The following ADAM22 variants were observed in gnomAD, a reference collection of about 807,000 sequenced individuals.
ADAM22 encodes ADAM metallopeptidase domain 22, also known as disintegrin and metalloproteinase domain-containing protein 22.
In ADAM22, 65 loss-of-function variants were observed where a neutral mutation model predicts 144.6. That is an observed-to-expected ratio of 0.45 (90% CI 0.37 to 0.55). ADAM22 has a LOEUF of 0.55. Ranked by LOEUF, ADAM22 falls within the 20% of genes least tolerant of loss-of-function variation. The pLI, the probability that ADAM22 is intolerant of heterozygous loss-of-function variation, is 0.00. For synonymous variants in ADAM22, 391 were observed against 412.6 expected (o/e 0.95, Z 0.63); for missense variants, 974 against 1,184.9 (o/e 0.82, Z 2.61).
At chr7:88,113,102 T>TC (rs934827478) in intron 5 of ADAM22, among the ~76,000 whole-genome samples, 59 of 138,534 alleles carry the variant, frequency 4.3e-4, no homozygotes, top group African/African-American at 1.4e-3. Context: ...TCTTTCTGCA[T>TC]CCCCCCTGCC....
chr7:88,107,516 T>G (rs1824763128), intron 4 of ADAM22, among the ~76,000 whole-genome samples: 2 of 152,146 alleles, frequency 1.3e-5, no homozygotes, highest in South Asian at 4.1e-4. Context: ...TTGAATTTCT[T>G]ATAACTAGGA....
At chr7:88,194,939 G>A (rs1050230783) in intron 31 of ADAM22, among the ~76,000 whole-genome samples, 2 of 152,152 alleles carry the variant, frequency 1.3e-5, no homozygotes, top group Non-Finnish European at 1.5e-5. Flanking sequence ...ATGACCTAAG[G>A]TAGATAGCAT....
chr7:88,098,132 A>G (rs1343358740), intron 4 of ADAM22, among the ~76,000 whole-genome samples: 2 of 152,322 alleles, frequency 1.3e-5, no homozygotes, highest in African/African-American at 2.4e-5. Context: ...TCTCTCGACT[A>G]TTCTGTTACA....
intron 4 of ADAM22, among the ~76,000 whole-genome samples, chr7:88,078,990 A>G (rs1815601822): frequency 6.6e-6 from 1 of 152,214 alleles, no homozygotes; most frequent in African/African-American, 2.4e-5. Flanking sequence ...CAGGAAATAC[A>G]GAGAATGCCA....
chr7:88,076,000 A>AATTAT (rs1043082500), intron 4 of ADAM22, among the ~76,000 whole-genome samples: 1 of 152,080 alleles, frequency 6.6e-6, no homozygotes, highest in African/African-American at 2.4e-5. Context: ...CAAAAACCCC[A>AATTAT]ATTATTTTAT....
In ADAM22 at chr7:88,114,575, C is replaced by T. The variant is rs146241988; in HGVS notation, c.474-9C>T. On this transcript the variant is annotated splice_polypyrimidine_tract_variant and intron_variant, in intron 5 of 31. Coordinates refer to ENST00000413139, the MANE Select transcript of ADAM22 (RefSeq NM_001324418.2). ...TGGCCATGCCTAATTATTTTTTTGTCGTTGGCAGTGGGATGTTCTATGACG... is the reference window on the plus strand; with the variant it reads ...TGGCCATGCCTAATTATTTTTTTGTTGTTGGCAGTGGGATGTTCTATGACG... The T allele has an allele frequency of 2.8e-3, 4,482 of 1,612,932 alleles. 14 individuals are homozygous for T. The highest frequency in any genetic ancestry group is 5.9e-3 in the Middle Eastern group (36 of 6,054).
intron 8 of ADAM22, among the ~76,000 whole-genome samples, chr7:88,126,578 T>G (rs1331559800): frequency 2.0e-5 from 3 of 151,972 alleles, no homozygotes; most frequent in African/African-American, 2.4e-5. Flanking sequence ...TCAAAAACCT[T>G]AAGAGGAAGG....
intron 3 of ADAM22, among the ~76,000 whole-genome samples, chr7:88,030,774 T>A (rs1585123066): frequency 6.6e-6 from 1 of 152,096 alleles, no homozygotes; most frequent in Non-Finnish European, 1.5e-5. Flanking sequence ...TCCTCAGGCC[T>A]CCCCCGAAGC....
chr7:87,984,530 A>G (rs192741788), intron 3 of ADAM22, among the ~76,000 whole-genome samples: 2 of 152,342 alleles, frequency 1.3e-5, no homozygotes, highest in East Asian at 3.9e-4. Context: ...ATAGTTTTGC[A>G]AGGAATTGTC....
chr7:88,035,226 C>T (rs1324425435), intron 3 of ADAM22, among the ~76,000 whole-genome samples: 1 of 152,238 alleles, frequency 6.6e-6, no homozygotes, highest in Admixed American at 6.5e-5. Flanking sequence ...ACTTGTTATA[C>T]TCTAGGCAGC....
In ADAM22 at chr7:88,201,803, A is replaced by G. The variant is rs979572968; in HGVS notation, c.*5312A>G. On this transcript the variant is annotated 3_prime_UTR_variant, in exon 32 of 32. Coordinates refer to ENST00000413139, the MANE Select transcript of ADAM22 (RefSeq NM_001324418.2). ...GAGACGAATTCTTAAGATAATGCAC[A>G]TACAGAATCATCAATAAAGTTTCAA... The G allele has an allele frequency of 1.3e-5, 2 of 152,224 alleles. No homozygotes were observed. The highest frequency in any genetic ancestry group is 4.8e-5 in the African/African-American group (2 of 41,454). The allele number at this position is 152,224 out of a possible 1,614,324, so 9.4% of individuals were successfully genotyped here.
intron 3 of ADAM22, among the ~76,000 whole-genome samples, chr7:88,033,843 A>T (rs377432194): frequency 6.6e-6 from 1 of 151,672 alleles, no homozygotes; most frequent in African/African-American, 2.4e-5. Context: ...GCCCACGTGG[A>T]GTACTGCCAG....
intron 2 of ADAM22, among the ~76,000 whole-genome samples, chr7:87,949,802 A>C (rs1844601408): frequency 6.6e-6 from 1 of 150,448 alleles, no homozygotes; most frequent in Non-Finnish European, 1.5e-5. Flanking sequence ...TAAAATATTC[A>C]TATTATTTAA....
In ADAM22 at chr7:88,148,989, G is replaced by A; in HGVS notation, c.1498G>A (p.Gly500Ser). Residue 500 changes from glycine (G) to serine (S), a missense_variant, in exon 18 of 32, where the codon GGC (glycine) becomes AGC (serine). Gly to Ser is a moderately conservative substitution (Grantham distance 56, BLOSUM62 0). This residue lies in a region of ADAM22 where 734 missense variants were observed against 950.6 expected (regional missense o/e 0.77). Coordinates refer to ENST00000413139, the MANE Select transcript of ADAM22 (RefSeq NM_001324418.2). The part of the protein sequence containing the change: ...CCKKCKFQPM[G>S]TVCREAVNDC... ...TTGTTCATTTTAGTTTCAGCCTATG[G>A]GCACTGTGTGCCGAGAAGCAGTAAA... 6.2e-7 allele frequency: 1 copy of A among 1,611,442 alleles called. No homozygotes were observed. The highest frequency in any genetic ancestry group is 8.5e-7 in the Non-Finnish European group (1 of 1,178,430).
chr7:87,976,866 A>C (rs1688889), intron 2 of ADAM22, among the ~76,000 whole-genome samples: 1 of 149,356 alleles, frequency 6.7e-6, no homozygotes, highest in Non-Finnish European at 1.5e-5. Flanking sequence ...AGGGTTTTTT[A>C]TTTCTTTTTT....
At chr7:88,067,456 A>G (rs1554441879) in intron 3 of ADAM22, among the ~76,000 whole-genome samples, 1 of 151,976 alleles carries the variant, frequency 6.6e-6, no homozygotes, top group Non-Finnish European at 1.5e-5. Flanking sequence ...TTGAGCCACA[A>G]TGATCAGATA....
At chr7:87,956,045 C>T (rs1003591246) in intron 2 of ADAM22, among the ~76,000 whole-genome samples, 1 of 152,114 alleles carries the variant, frequency 6.6e-6, no homozygotes, top group Non-Finnish European at 1.5e-5. Flanking sequence ...CTTTCCTTGA[C>T]CAGGAAAGGG....
At chr7:88,005,237 A>C (rs1793525725) in intron 3 of ADAM22, among the ~76,000 whole-genome samples, 1 of 152,198 alleles carries the variant, frequency 6.6e-6, no homozygotes, top group Non-Finnish European at 1.5e-5. Flanking sequence ...GCTGGTTGCC[A>C]GGAAAGAGAT....
rs200972277 is a variant in ADAM22 at position 88,130,479 on chromosome 7, A to G, written c.825+20A>G. The G allele has an allele frequency of 1.3e-4, 214 of 1,599,652 alleles. No individual in the cohort carries two copies. In the African/African-American group the frequency reaches 2.1e-3, roughly 15 times the overall value. On this transcript the variant is annotated intron_variant, in intron 10 of 31. Transcript: ENST00000413139. ...GATTTAGTAAGTATCAACCCCGTTC[A>G]TTATTGCCCTAGAAGATTCTTATTT...
Sources: gnomAD v4.1 joint callset for allele counts (sites outside exome capture counted in the v4.1 genomes callset) on GRCh38, gnomAD v4.1.1 for gene constraint, gnomAD v4.1.1 regional missense constraint, MANE v1.5 for transcripts, NCBI Gene and HGNC (gene_info 2026-07-23, HGNC 2026-07-21) for gene names.